Variants in GRIK4 observed in about 807,000 individuals in gnomAD.
The protein encoded by GRIK4 is glutamate ionotropic receptor kainate type subunit 4, also known as glutamate receptor ionotropic, kainate 4.
In GRIK4, 40 loss-of-function variants were observed where a neutral mutation model predicts 104.9. That is an observed-to-expected ratio of 0.38 (90% CI 0.30 to 0.50). The LOEUF (loss-of-function observed/expected upper bound fraction) is 0.50, where lower values mean the gene tolerates loss of function less well. Ranked by LOEUF, GRIK4 falls within the 20% of genes least tolerant of loss-of-function variation. The pLI is 0.93. For missense variants in GRIK4, 1,047 were observed against 1,308.1 expected (o/e 0.80, Z 3.08); for synonymous variants, 485 against 524.9 (o/e 0.92, Z 1.04).
chr11:120,593,140 G>T (rs998501710), intron 1 of GRIK4, among the ~76,000 whole-genome samples: 8 of 145,194 alleles, frequency 5.5e-5, no homozygotes, highest in African/African-American at 2.0e-4. Flanking sequence ...CCAAGATCGC[G>T]CATTGCATTC....
At chr11:120,550,496 G>T (rs1056182060) in intron 1 of GRIK4, among the ~76,000 whole-genome samples, 2 of 152,138 alleles carry the variant, frequency 1.3e-5, no homozygotes, top group African/African-American at 4.8e-5. Flanking sequence ...GGAGTCATCG[G>T]TGTTTAAGAG....
chr11:120,875,395 C>T, intron 11 of GRIK4, 152 bp downstream of exon 11: 4 of 635,998 alleles, frequency 6.3e-6, no homozygotes, highest in Non-Finnish European at 8.5e-6. Context: ...CCAGCCTCTC[C>T]CTTCCTGCCA....
chr11:120,900,969 GTCT>G (rs1254375534), intron 12 of GRIK4, among the ~76,000 whole-genome samples: 4 of 152,118 alleles, frequency 2.6e-5, no homozygotes, highest in African/African-American at 9.7e-5. Flanking sequence ...CCTTCCCGCT[GTCT>G]TCTTAGTCTC....
rs1019706843 is a variant in GRIK4 at position 120,810,886 on chromosome 11, C to A, written c.248-4492C>A. Among the ~76,000 whole-genome samples the A allele has an allele frequency of 2.0e-5, 3 of 152,114 alleles. 1 individual carries two copies. Among genetic ancestry groups the A allele is most frequent in the Admixed American group, 2.0e-4 (3 of 15,274 alleles). ...CGGTGATTTCTGTGGGAAACAAAGT[C>A]ACAGGTGCTATTAACACACTGTAGT... On this transcript the variant is annotated intron_variant, in intron 4 of 20. Transcript: ENST00000527524.
At chr11:120,765,926 G>A (rs182584119) in intron 3 of GRIK4, among the ~76,000 whole-genome samples, 268 of 152,350 alleles carry the variant, frequency 1.8e-3, no homozygotes, top group African/African-American at 6.2e-3. Flanking sequence ...GGAAGCACAG[G>A]GGTCAGGGAC....
intron 1 of GRIK4, among the ~76,000 whole-genome samples, chr11:120,591,278 C>A (rs1486689121): frequency 6.6e-6 from 1 of 151,900 alleles, no homozygotes; most frequent in African/African-American, 2.4e-5. Context: ...GGAGGCATCA[C>A]TAGGACTCAC....
At chr11:120,732,454 C>A (rs140043481) in intron 3 of GRIK4, among the ~76,000 whole-genome samples, 4 of 152,186 alleles carry the variant, frequency 2.6e-5, no homozygotes, top group Admixed American at 1.3e-4. Flanking sequence ...CTTTAGGATG[C>A]ATCATTAGGT....
intron 7 of GRIK4, among the ~76,000 whole-genome samples, chr11:120,833,100 C>T (rs1289466407): frequency 1.4e-4 from 21 of 152,008 alleles, no homozygotes; most frequent in Admixed American, 1.3e-3. Context: ...TCCCTCCCAG[C>T]TGCCCCTCCT....
chr11:120,739,548 T>C (rs577033316), intron 3 of GRIK4, among the ~76,000 whole-genome samples: 4 of 152,196 alleles, frequency 2.6e-5, no homozygotes, highest in Non-Finnish European at 2.9e-5. Flanking sequence ...ATTTTCTAGG[T>C]GAGAAAACTG....
chr11:120,525,818 C>G (rs933172089), intron 1 of GRIK4, among the ~76,000 whole-genome samples: 4 of 151,994 alleles, frequency 2.6e-5, no homozygotes, highest in African/African-American at 4.8e-5. Context: ...GACGGGAGGG[C>G]TTGGACAGCT....
intron 3 of GRIK4, among the ~76,000 whole-genome samples, chr11:120,663,270 G>A (rs76113238): frequency 0.048 from 7,256 of 152,244 alleles, 524 homozygotes; most frequent in African/African-American, 0.16. Context: ...GGAAGGGACT[G>A]TAAGGATTCG....
chr11:120,853,505 G>A (rs1954023307), intron 8 of GRIK4, among the ~76,000 whole-genome samples: 1 of 152,080 alleles, frequency 6.6e-6, no homozygotes, highest in African/African-American at 2.4e-5. Context: ...GAGATGTAAA[G>A]GAATTATAAT....
intron 3 of GRIK4, among the ~76,000 whole-genome samples, chr11:120,794,951 C>T (rs987250390): frequency 6.6e-6 from 1 of 152,062 alleles, no homozygotes; most frequent in Admixed American, 6.5e-5. Flanking sequence ...GAGTGGGACA[C>T]AGAGGACAGA....
intron 3 of GRIK4, among the ~76,000 whole-genome samples, chr11:120,727,968 G>A (rs1951061837): frequency 6.6e-6 from 1 of 151,898 alleles, no homozygotes; most frequent in African/African-American, 2.4e-5. Context: ...GTGAACAATA[G>A]GCATCCCTGT....
Position 120,872,028 on chromosome 11 carries a change from T to G in GRIK4, c.907-2038T>G, listed in dbSNP as rs1057028459. ...CCCATCCACCCTGCCTGTAGCCCCC[T>G]GTCCTTACCACTCCCTGGAGCCTTA... On this transcript the variant is annotated intron_variant, in intron 9 of 20. Transcript: ENST00000527524. 4 of 408,420 alleles carry G rather than the reference T, an allele frequency of 9.8e-6. No individual in the cohort carries two copies. The Admixed American group carries it at 1.1e-4, about 11-fold the overall frequency. The allele number at this position is 408,420 out of a possible 1,614,324, so 25.3% of individuals were successfully genotyped here.
intron 1 of GRIK4, among the ~76,000 whole-genome samples, chr11:120,550,919 TG>T (rs1372646813): frequency 6.6e-6 from 1 of 151,646 alleles, no homozygotes; most frequent in Admixed American, 6.6e-5. Context: ...CAGGGCTGAG[TG>T]GGGTCTTTCA....
chr11:120,672,503 A>T (rs1950036467), intron 3 of GRIK4, among the ~76,000 whole-genome samples: 1 of 152,220 alleles, frequency 6.6e-6, no homozygotes, highest in South Asian at 2.1e-4. Flanking sequence ...AATAGCATCG[A>T]ATCTGTGAAT....
intron 3 of GRIK4, among the ~76,000 whole-genome samples, chr11:120,713,392 C>G (rs892371764): frequency 2.6e-5 from 4 of 152,134 alleles, no homozygotes; most frequent in African/African-American, 9.7e-5. Context: ...AAAAGCCCCC[C>G]GAACCCAGGC....
At chr11:120,765,590 G>A (rs79532870) in intron 3 of GRIK4, among the ~76,000 whole-genome samples, 19,427 of 152,074 alleles carry the variant, frequency 0.13, 1,405 homozygotes, top group Admixed American at 0.2. Context: ...CCTCATCTTC[G>A]TGGATTTATC....
Sources: gnomAD v4.1 joint callset for allele counts (sites outside exome capture counted in the v4.1 genomes callset) on GRCh38, gnomAD v4.1.1 for gene constraint, MANE v1.5 for transcripts, NCBI Gene and HGNC (gene_info 2026-07-23, HGNC 2026-07-21) for gene names.